Variants in PPFIA3 observed in about 807,000 individuals in gnomAD.
PPFIA3 encodes the protein liprin-alpha-3.
A neutral mutation model predicts 145.8 loss-of-function variants in PPFIA3; 26 were observed. The observed-to-expected ratio is 0.18, with a 90% confidence interval of 0.13 to 0.25. The LOEUF (loss-of-function observed/expected upper bound fraction) is 0.25, where lower values mean the gene tolerates loss of function less well. Ranked by LOEUF, PPFIA3 falls within the 10% of genes least tolerant of loss-of-function variation. The probability of loss-of-function intolerance (pLI) is 1.00; values close to 1 mark genes in which losing one functional copy is unlikely to be tolerated. For synonymous variants in PPFIA3, 645 were observed against 661.4 expected (o/e 0.98, Z 0.38); for missense variants, 1,008 against 1,587.8 (o/e 0.63, Z 6.21).
rs754923382 is a variant in PPFIA3 at position 49,136,809 on chromosome 19, G to C, written c.1751G>C (p.Gly584Ala). 1 of 1,593,154 alleles carries C rather than the reference G, an allele frequency of 6.3e-7. No individual in the cohort carries two copies. Among genetic ancestry groups the C allele is most frequent in the Non-Finnish European group, 8.5e-7 (1 of 1,170,042 alleles). ...GGCTCCGATGAGGAGGAGGCAGAGG[G>C]GATGTTTGGGGCCGAGCTGCTGTCC... ...LDGSDEEEAEGMFGAELLSPS... is the reference protein window; with the variant it reads ...LDGSDEEEAEAMFGAELLSPS... The change falls in exon 15 of 30, where the codon GGG (glycine) becomes GCG (alanine). Residue 584 changes from glycine to alanine, a missense_variant. Gly to Ala is a moderately conservative substitution (Grantham distance 60). Transcript: ENST00000334186.
chr19:49,134,147 G>A lies in PPFIA3; in HGVS notation c.1359G>A (p.Met453Ile). The A allele has an allele frequency of 6.2e-7, 1 of 1,611,474 alleles. No homozygotes were observed. The highest frequency in any genetic ancestry group is 8.5e-7 in the Non-Finnish European group (1 of 1,179,100). Reference protein sequence around the residue: ...ERLQLHLKERMGALEEKNSLS... With the variant: ...ERLQLHLKERIGALEEKNSLS... ...TACAGCTTCACCTCAAGGAGCGCAT[G>A]GGGGCGCTGGAGGAGAAGGTGCGCC... The change falls in exon 11 of 30, where the codon ATG becomes ATA. Residue 453 changes from methionine to isoleucine, a missense_variant. Coordinates refer to ENST00000334186, the MANE Select transcript of PPFIA3 (RefSeq NM_003660.4).
At chr19:49,142,679 C>T in intron 20 of PPFIA3, 125 bp from the exon 21 acceptor site, 1 of 734,300 alleles carries the variant, frequency 1.4e-6, no homozygotes, top group Non-Finnish European at 2.2e-6. Flanking sequence ...TCCTTGCGAA[C>T]TTTCCCACGT....
chr19:49,133,178 G>A lies in PPFIA3; in HGVS notation c.1026+31G>A, dbSNP rs928601813. 1.3e-6 allele frequency: 2 copies of A among 1,585,206 alleles called. No homozygotes were observed. Among genetic ancestry groups the A allele is most frequent in the Non-Finnish European group, 1.7e-6 (2 of 1,164,442 alleles). On this transcript the variant is annotated intron_variant, in intron 8 of 29. Transcript: ENST00000334186. The surrounding 1 kb of genome is among the most constrained non-coding windows in gnomAD (Gnocchi z 7.2). Reference sequence around the variant, plus strand: ...GGCGCGGCCGGGAGGGGCGATGGGGGCGGTGCCGGGGCCCAAGTGACCCAG... The same window carrying A: ...GGCGCGGCCGGGAGGGGCGATGGGGACGGTGCCGGGGCCCAAGTGACCCAG...
chr19:49,136,588 TAAATA>T (rs1031284691), intron 14 of PPFIA3, 131 bp from the exon 15 acceptor site: 5 of 566,188 alleles, frequency 8.8e-6, no homozygotes, highest in Non-Finnish European at 1.1e-5. Flanking sequence ...CAAGAAAAAA[TAAATA>T]AAATAAAAAA....
intron 15 of PPFIA3, among the ~76,000 whole-genome samples, chr19:49,137,972 C>G (rs1050407086): frequency 9.2e-5 from 14 of 152,106 alleles, no homozygotes; most frequent in Non-Finnish European, 2.1e-4. Context: ...ATACAAACCC[C>G]AATCACCTTG....
At chr19:49,123,863 A>G (rs1184555413) in intron 1 of PPFIA3, among the ~76,000 whole-genome samples, 1 of 152,044 alleles carries the variant, frequency 6.6e-6, no homozygotes, top group Non-Finnish European at 1.5e-5. Context: ...GCCTTAGTTT[A>G]GAACTTGTCC....
In PPFIA3 at chr19:49,133,919, G is replaced by A. The variant is rs751032783; in HGVS notation, c.1245+40G>A. 6.2e-7 allele frequency: 1 copy of A among 1,611,614 alleles called. No individual in the cohort carries two copies. Among genetic ancestry groups the A allele is most frequent in the Admixed American group, 1.7e-5 (1 of 59,938 alleles). ...GACTGCACAGAGGGTGGGGCTTCGAGGCTGGGGCGGAGCTTAATAAGGAGG... is the reference window on the plus strand; with the variant it reads ...GACTGCACAGAGGGTGGGGCTTCGAAGCTGGGGCGGAGCTTAATAAGGAGG... On this transcript the variant is annotated intron_variant, in intron 10 of 29. Coordinates refer to ENST00000334186, the MANE Select transcript of PPFIA3 (RefSeq NM_003660.4). The surrounding 1 kb of genome is among the most constrained non-coding windows in gnomAD (Gnocchi z 7.2).
chr19:49,120,884 C>T lies in PPFIA3; in HGVS notation c.-16+1162C>T, dbSNP rs1047697389. Among the ~76,000 whole-genome samples, 54 of 152,176 alleles carry T rather than the reference C, an allele frequency of 3.5e-4. No homozygotes were observed. Among genetic ancestry groups the T allele is most frequent in the Admixed American group, 1.3e-4 (2 of 15,274 alleles). ...CTCCAAACAAGACCTCAGGCTCTCACCTTCCAATCCCCCATCATTTACCTC... is the reference window on the plus strand; with the variant it reads ...CTCCAAACAAGACCTCAGGCTCTCATCTTCCAATCCCCCATCATTTACCTC... On this transcript the variant is annotated intron_variant, in intron 1 of 29. Coordinates refer to ENST00000334186, the MANE Select transcript of PPFIA3 (RefSeq NM_003660.4). This position sits in a 1 kb window ranked among gnomAD's most constrained non-coding sequence, Gnocchi z 4.6.
chr19:49,135,728 G>A, intron 13 of PPFIA3, 51 bp from the exon 14 acceptor site: 2 of 1,547,690 alleles, frequency 1.3e-6, no homozygotes, highest in East Asian at 2.3e-5. Flanking sequence ...CCTTACCTCT[G>A]TGCTCTTTTC....
intron 13 of PPFIA3, among the ~76,000 whole-genome samples, chr19:49,135,362 A>G (rs1230637221): frequency 6.8e-6 from 1 of 147,378 alleles, no homozygotes; most frequent in African/African-American, 2.5e-5. Flanking sequence ...TTTTACCCTG[A>G]CTTTATTTAT....
rs2041341273 is a variant in PPFIA3 at position 49,150,830 on chromosome 19, AG to A, written c.*613del. ...GTGGCCGTGTCCGTGCCCCGGGGGTAGGGGGCGCAGAATGGCGCTTCCCCTT... is the reference window on the plus strand; with the variant it reads ...GTGGCCGTGTCCGTGCCCCGGGGGTAGGGGCGCAGAATGGCGCTTCCCCTT... On this transcript the variant is annotated 3_prime_UTR_variant, in exon 30 of 30. Transcript: ENST00000334186. 1 of 154,016 alleles carries A rather than the reference AG, an allele frequency of 6.5e-6. No individual in the cohort carries two copies. The highest frequency in any genetic ancestry group is 6.5e-5 in the Admixed American group (1 of 15,428). 9.5% of individuals were successfully genotyped at this position (154,016 alleles called of 1,614,324 possible).
Position 49,128,857 on chromosome 19 carries a change from G to A in PPFIA3, c.352G>A (p.Glu118Lys), listed in dbSNP as rs2122548621. The part of the protein sequence containing the change: ...AERNNTRLLL[E>K]HLECLVSRHE... ...TGCCGTGTGCTTGCAGCTGCTCCTGGAACACCTGGAGTGCCTGGTGTCCAG... is the reference window on the plus strand; with the variant it reads ...TGCCGTGTGCTTGCAGCTGCTCCTGAAACACCTGGAGTGCCTGGTGTCCAG... The change falls in exon 4 of 30, where the codon GAA becomes AAA. Residue 118 changes from glutamate (E) to lysine (K), a missense_variant. By Grantham distance (56) the Glu-to-Lys change is moderately conservative (BLOSUM62 1). Coordinates refer to ENST00000334186, the MANE Select transcript of PPFIA3 (RefSeq NM_003660.4). This position sits in a 1 kb window ranked among gnomAD's most constrained non-coding sequence, Gnocchi z 4.1. 6.3e-7 allele frequency: 1 copy of A among 1,597,682 alleles called. No homozygotes were observed. The highest frequency in any genetic ancestry group is 1.8e-5 in the Admixed American group (1 of 56,856).
At position 49,134,906 on chromosome 19, in the gene PPFIA3, C is replaced by T; in HGVS notation, c.1511C>T (p.Ser504Phe). Residue 504 changes from serine to phenylalanine, a missense_variant, in exon 13 of 30, where the codon TCC becomes TTC. Ser to Phe is a radical substitution (Grantham distance 155, BLOSUM62 -2). Transcript: ENST00000334186. ...IDQLRGRPPS[S>F]YSRSLPGSAL... ...CAGCTGCGGGGGAGGCCACCATCCTCCTACTCCAGGTGACAGCAGCCCTTC... is the reference window on the plus strand; with the variant it reads ...CAGCTGCGGGGGAGGCCACCATCCTTCTACTCCAGGTGACAGCAGCCCTTC... 1 of 1,570,050 alleles carries T rather than the reference C, an allele frequency of 6.4e-7. No individual in the cohort carries two copies. Among genetic ancestry groups the T allele is most frequent in the Non-Finnish European group, 8.7e-7 (1 of 1,155,946 alleles).
intron 15 of PPFIA3, among the ~76,000 whole-genome samples, chr19:49,137,628 CAAAAAAAAA>C (rs3032695): frequency 1.6e-4 from 7 of 43,782 alleles, no homozygotes; most frequent in Admixed American, 3.3e-4. Context: ...GACTCCGTGT[CAAAAAAAAA>C]AAAAAAAAAA....
intron 21 of PPFIA3, chr19:49,145,724 G>T: frequency 3.4e-6 from 2 of 583,886 alleles, no homozygotes; most frequent in Non-Finnish European, 6.2e-6. Flanking sequence ...GCATGGCAGG[G>T]TCCCAATTCC....
chr19:49,146,045 C>T, intron 22 of PPFIA3, 40 bp downstream of exon 22: 3 of 1,610,668 alleles, frequency 1.9e-6, no homozygotes, highest in Non-Finnish European at 2.5e-6. Flanking sequence ...GTGGCACTAA[C>T]CTTCTTTGGG....
intron 21 of PPFIA3, among the ~76,000 whole-genome samples, chr19:49,144,931 T>TC (rs2041263838): frequency 6.7e-6 from 1 of 149,126 alleles, no homozygotes; most frequent in African/African-American, 2.5e-5. Flanking sequence ...TTCTTTTCTT[T>TC]CTTTTTTTTT....
In PPFIA3 at chr19:49,128,589, T is replaced by G; in HGVS notation, c.342+121T>G. ...TTTTCCCCCATCTCGCCTTTCTGTC[T>G]TCTCCTCTTCCCTGCTCCCACTTCC... is the stretch of plus-strand genomic sequence containing the variant. On this transcript the variant is annotated intron_variant, in intron 3 of 29. Transcript: ENST00000334186. This position sits in a 1 kb window ranked among gnomAD's most constrained non-coding sequence, Gnocchi z 4.1. The G allele has an allele frequency of 1.1e-6, 1 of 934,868 alleles. No homozygotes were observed. The highest frequency in any genetic ancestry group is 1.6e-6 in the Non-Finnish European group (1 of 608,948). The allele number at this position is 934,868 out of a possible 1,614,324, so 57.9% of individuals were successfully genotyped here.
chr19:49,142,735 C>T (rs753224458), intron 20 of PPFIA3, 69 bp from the exon 21 acceptor site: 26 of 1,264,712 alleles, frequency 2.1e-5, no homozygotes, highest in Admixed American at 5.4e-5. Context: ...CCTCCCTGTT[C>T]CCCCATCTCT....
Sources: gnomAD v4.1 joint callset for allele counts (sites outside exome capture counted in the v4.1 genomes callset) on GRCh38, gnomAD v4.1.1 for gene constraint, Gnocchi (gnomAD v3.1) non-coding constraint, MANE v1.5 for transcripts, NCBI Gene and HGNC (gene_info 2026-07-23, HGNC 2026-07-21) for gene names.